The following ANO4 variants were observed in gnomAD, a reference collection of about 807,000 sequenced individuals.
ANO4 encodes anoctamin-4.
In ANO4, 69 loss-of-function variants were observed where a neutral mutation model predicts 141.9. The ratio of observed to expected loss-of-function variants is 0.49; its 90% CI spans 0.40 to 0.59. The LOEUF is 0.59. Among genes scored for constraint, ANO4 ranks in the 20% least tolerant of loss-of-function variants. The pLI, the probability that ANO4 is intolerant of heterozygous loss-of-function variation, is 0.00. For missense variants in ANO4, 894 were observed against 1,162.2 expected, an observed-to-expected ratio of 0.77 and a Z score of 3.36; for synonymous variants, 350 against 394.3, an observed-to-expected ratio of 0.89 and a Z score of 1.33.
chr12:101,108,484 G>A (rs1156411803), intron 22 of ANO4, among the ~76,000 whole-genome samples: 1 of 152,126 alleles, frequency 6.6e-6, no homozygotes, highest in East Asian at 1.9e-4. Flanking sequence ...GAGGATAATA[G>A]TAGTACCCAC....
At chr12:100,919,482 C>A (rs117162855) in intron 2 of ANO4, among the ~76,000 whole-genome samples, 6,761 of 152,198 alleles carry the variant, frequency 0.044, 210 homozygotes, top group Non-Finnish European at 0.064. Flanking sequence ...AGTGCAGTAA[C>A]ATGCTGTACA....
intron 2 of ANO4, among the ~76,000 whole-genome samples, chr12:100,915,726 T>G (rs2136081396): frequency 6.6e-6 from 1 of 152,344 alleles, no homozygotes; most frequent in East Asian, 1.9e-4. Context: ...AAATTATTTA[T>G]GTATAATGTC....
chr12:100,798,303 A>G (rs1417695852), intron 1 of ANO4, among the ~76,000 whole-genome samples: 2 of 152,152 alleles, frequency 1.3e-5, no homozygotes, highest in Admixed American at 6.5e-5. Context: ...CCCTTTTACC[A>G]TCTCTTTGAG....
At chr12:100,740,566 G>A (rs1188663895) in intron 3 of ANO4, among the ~76,000 whole-genome samples, 1 of 151,918 alleles carries the variant, frequency 6.6e-6, no homozygotes, top group Non-Finnish European at 1.5e-5. Flanking sequence ...TATCTATCTT[G>A]GACTAAACTC....
At chr12:100,811,352 CCTTAT>C (rs1451926787) in intron 1 of ANO4, among the ~76,000 whole-genome samples, 2 of 152,138 alleles carry the variant, frequency 1.3e-5, no homozygotes, top group East Asian at 3.8e-4. Flanking sequence ...AGGCTAGTTC[CCTTAT>C]CTTTGGAAGA....
At chr12:101,075,669 A>G (rs1387168839) in intron 14 of ANO4, among the ~76,000 whole-genome samples, 1 of 149,334 alleles carries the variant, frequency 6.7e-6, no homozygotes, top group African/African-American at 2.4e-5. Flanking sequence ...ACATACACAT[A>G]TATCTTTATA....
intron 2 of ANO4, among the ~76,000 whole-genome samples, chr12:100,919,682 G>A (rs1044950995): frequency 7.5e-4 from 104 of 138,790 alleles, no homozygotes; most frequent in African/African-American, 3.1e-3. Flanking sequence ...GTGTGTGTGT[G>A]TGTGTGTGTG....
chr12:101,063,248 G>C (rs537284118), intron 14 of ANO4, among the ~76,000 whole-genome samples: 44 of 152,220 alleles, frequency 2.9e-4, no homozygotes, highest in African/African-American at 9.6e-4. Context: ...AGATGAGCTG[G>C]GTACTTCATT....
At chr12:100,986,058 T>C (rs1234557871) in intron 7 of ANO4, among the ~76,000 whole-genome samples, 6 of 152,048 alleles carry the variant, frequency 3.9e-5, no homozygotes, top group South Asian at 2.1e-4. Context: ...ATCCAACCCA[T>C]TGAGTGGAAC....
intron 5 of ANO4, among the ~76,000 whole-genome samples, chr12:100,960,602 T>TA (rs113871862): frequency 2.1e-3 from 281 of 136,466 alleles, no homozygotes; most frequent in South Asian, 0.02. Context: ...TAAAGTAAAA[T>TA]AAAAAAAAAA....
At chr12:101,108,582 T>C (rs972176500) in intron 22 of ANO4, among the ~76,000 whole-genome samples, 5 of 152,154 alleles carry the variant, frequency 3.3e-5, no homozygotes, top group African/African-American at 4.8e-5. Flanking sequence ...ATGCTATATA[T>C]GTGTAGTCAT....
At chr12:101,031,754 G>A (rs985386101) in intron 9 of ANO4, among the ~76,000 whole-genome samples, 2 of 152,140 alleles carry the variant, frequency 1.3e-5, no homozygotes, top group Non-Finnish European at 2.9e-5. Flanking sequence ...CAAAATGAAT[G>A]TGAAAAAATC....
chr12:100,850,930 A>C (rs556512891), intron 1 of ANO4, among the ~76,000 whole-genome samples: 3 of 152,136 alleles, frequency 2.0e-5, no homozygotes, highest in Non-Finnish European at 4.4e-5. Context: ...TGAGATATTA[A>C]TATTCTATAT....
intron 3 of ANO4, among the ~76,000 whole-genome samples, chr12:100,775,550 G>C (rs2033472990): frequency 6.6e-6 from 1 of 152,072 alleles, no homozygotes; most frequent in Non-Finnish European, 1.5e-5. Context: ...TGTGACCTTG[G>C]GAATATGTCT....
At chr12:100,982,699 T>G (rs1344970783) in intron 7 of ANO4, among the ~76,000 whole-genome samples, 5 of 152,258 alleles carry the variant, frequency 3.3e-5, no homozygotes, top group Non-Finnish European at 1.5e-5. Context: ...AGAGGTTTAA[T>G]TACTTGCCCA....
intron 8 of ANO4, 68 bp downstream of exon 8, chr12:100,987,738 C>A: frequency 6.3e-7 from 1 of 1,578,868 alleles, no homozygotes; most frequent in Non-Finnish European, 8.6e-7. Context: ...TCACCCTGCA[C>A]GCCTTTGATT....
chr12:100,842,322 A>G (rs2037312270), intron 1 of ANO4: 2 of 152,006 alleles, frequency 1.3e-5, no homozygotes, highest in Admixed American at 1.3e-4. Context: ...TGAACCCCTC[A>G]GAAAGTTTCC....
At chr12:100,910,606 T>A (rs1266952491) in intron 2 of ANO4, among the ~76,000 whole-genome samples, 1 of 152,190 alleles carries the variant, frequency 6.6e-6, no homozygotes, top group East Asian at 1.9e-4. Flanking sequence ...CATAGTAAAC[T>A]GAAGCACTGA....
chr12:100,806,523 CGTTTTTTTTTT>C (rs2035042547), intron 1 of ANO4, among the ~76,000 whole-genome samples: 14 of 44,974 alleles, frequency 3.1e-4, no homozygotes, highest in South Asian at 1.9e-3. Context: ...TTTTTTGTTT[CGTTTTTTTTTT>C]TTTTTTTTTT....
Sources: gnomAD v4.1 joint callset for allele counts (sites outside exome capture counted in the v4.1 genomes callset) on GRCh38, gnomAD v4.1.1 for gene constraint, MANE v1.5 for transcripts, NCBI Gene and HGNC (gene_info 2026-07-23, HGNC 2026-07-21) for gene names.